The following MGAM variants were observed in gnomAD, a reference collection of about 807,000 sequenced individuals.
MGAM encodes alpha-1,4-glucosidase.
MGAM carries 253 observed loss-of-function variants against 358.8 expected under a neutral mutation model. That is an observed-to-expected ratio of 0.71 (90% CI 0.64 to 0.78). The LOEUF is 0.78. Ranked by LOEUF, MGAM falls within the 30% of genes least tolerant of loss-of-function variation. The probability of loss-of-function intolerance (pLI) is 0.00; values close to 1 mark genes in which losing one functional copy is unlikely to be tolerated. For missense variants in MGAM, 3,080 were observed against 3,432.6 expected (o/e 0.90, Z 2.57); for synonymous variants, 1,105 against 1,227.1 (o/e 0.90, Z 2.08).
chr7:142,058,318 A>G lies in MGAM; in HGVS notation c.3809A>G (p.Gln1270Arg). Residue 1270 changes from glutamine to arginine, a missense_variant, in exon 31 of 71, where the codon CAG becomes CGG. Around this residue, in one of 5 missense-constraint regions of MGAM, gnomAD observed 1,816 missense variants for 1,840.5 expected, o/e 0.99. Transcript: ENST00000475668. Reference sequence around the variant, plus strand: ...TTGTATGATGAGATGGTGGCTGCCCAGATCCCTTATGTACGTTCTCAGTCA... The same window carrying G: ...TTGTATGATGAGATGGTGGCTGCCCGGATCCCTTATGTACGTTCTCAGTCA... ...ASLYDEMVAA[Q>R]IPYDVQYSDI... is the part of the protein sequence containing the mutation. 1 of 1,613,944 alleles carries G rather than the reference A, an allele frequency of 6.2e-7. No individual in the cohort carries two copies. Among genetic ancestry groups the G allele is most frequent in the Non-Finnish European group, 8.5e-7 (1 of 1,179,828 alleles).
chr7:142,091,471 C>T (rs780679131), intron 57 of MGAM, among the ~76,000 whole-genome samples: 1 of 145,806 alleles, frequency 6.9e-6, no homozygotes, highest in Non-Finnish European at 1.6e-5. Context: ...TAATCTTATT[C>T]CTTCCTCCCC....
At chr7:142,084,479 T>G (rs908803354) in intron 53 of MGAM, 40 bp from the exon 54 acceptor site, 2 of 1,540,624 alleles carry the variant, frequency 1.3e-6, no homozygotes, top group African/African-American at 2.7e-5. Flanking sequence ...CAATCTGGTG[T>G]CTCTGTTCTG....
Position 142,103,255 on chromosome 7 carries a change from C to T in MGAM, c.8014-14C>T, listed in dbSNP as rs1174503071. 1 of 1,557,770 alleles carries T rather than the reference C, an allele frequency of 6.4e-7. No individual in the cohort carries two copies. Among genetic ancestry groups the T allele is most frequent in the Non-Finnish European group, 8.7e-7 (1 of 1,153,866 alleles). Reference sequence around the variant, plus strand: ...TTCTGCTATTATATTTTTCTTTTATCTCCAATTCAACAGAATACGATGCAA... The same window carrying T: ...TTCTGCTATTATATTTTTCTTTTATTTCCAATTCAACAGAATACGATGCAA... On this transcript the variant is annotated splice_polypyrimidine_tract_variant and intron_variant, in intron 69 of 70. Transcript: ENST00000475668.
intron 40 of MGAM, 29 bp from the exon 41 acceptor site, chr7:142,066,544 C>G: frequency 6.4e-7 from 1 of 1,550,608 alleles, no homozygotes; most frequent in Non-Finnish European, 8.8e-7. Context: ...CCAGGGCGAG[C>G]TCCCAACACT....
In MGAM at chr7:142,045,554, A is replaced by G. The variant is rs1402416785; in HGVS notation, c.2499-2231A>G. 1.2e-4 allele frequency among the ~76,000 whole-genome samples: 4 copies of G among 33,442 alleles called. 1 individual carries two copies. Among genetic ancestry groups the G allele is most frequent in the African/African-American group, 1.9e-4 (2 of 10,350 alleles). 21.9% of individuals were successfully genotyped at this position (33,442 alleles called of 152,430 possible). ...ATAATATATATTATATATACATACA[A>G]TATATGAATATATAATATATATTAT... On this transcript the variant is annotated intron_variant, in intron 21 of 70. Coordinates refer to ENST00000475668, the MANE Select transcript of MGAM (RefSeq NM_001365693.1).
At position 142,085,818 on chromosome 7, in the gene MGAM, C is replaced by T; in HGVS notation, c.6508-15C>T. ...GTACAGCAGCAGCCTCTCAGCTCCC[C>T]ATGTCCTCCCGCAGGACGTGCAGTA... On this transcript the variant is annotated splice_polypyrimidine_tract_variant and intron_variant, in intron 54 of 70. Transcript: ENST00000475668. 6.4e-7 allele frequency: 1 copy of T among 1,562,118 alleles called. No individual in the cohort carries two copies. The highest frequency in any genetic ancestry group is 8.8e-7 in the Non-Finnish European group (1 of 1,138,968).
rs1813598041 is a variant in MGAM, at chr7:142,074,616, T to A, written c.5275+443T>A. On this transcript the variant is annotated intron_variant, in intron 45 of 70. Coordinates refer to ENST00000475668, the MANE Select transcript of MGAM (RefSeq NM_001365693.1). ...TTTTAGCATATTTGTGGGTCCAGTA[T>A]ACTAACAATTCTTGTTCTTCAAGTT... Among the ~76,000 whole-genome samples the A allele has an allele frequency of 1.4e-5, 2 of 146,180 alleles. 1 individual carries two copies.
chr7:142,064,372 C>T lies in MGAM; in HGVS notation c.4346-12C>T. The T allele has an allele frequency of 6.2e-7, 1 of 1,603,742 alleles. No individual in the cohort carries two copies. Among genetic ancestry groups the T allele is most frequent in the Non-Finnish European group, 8.5e-7 (1 of 1,175,166 alleles). On this transcript the variant is annotated splice_polypyrimidine_tract_variant and intron_variant, in intron 36 of 70. Coordinates refer to ENST00000475668, the MANE Select transcript of MGAM (RefSeq NM_001365693.1). The stretch of plus-strand genomic sequence containing the variant: ...AGGGCTGGGTTTCACCTCGCCAGTT[C>T]TTCCTCCTCAGATTTGGAGTCCAGG...
At chr7:141,989,206 G>C (rs560326166) in intron 2 of MGAM, among the ~76,000 whole-genome samples, 1 of 152,084 alleles carries the variant, frequency 6.6e-6, no homozygotes, top group Non-Finnish European at 1.5e-5. Context: ...AATCAGTTCA[G>C]TGTGGGATGT....
intron 17 of MGAM, 126 bp downstream of exon 17, chr7:142,036,411 C>T (rs1331231330): frequency 4.1e-6 from 3 of 724,524 alleles, no homozygotes; most frequent in Non-Finnish European, 7.0e-6. Context: ...CTAATTTGCA[C>T]TATCATGTGC....
At chr7:142,037,039 T>C in intron 18 of MGAM, 62 bp downstream of exon 18, 1 of 1,510,044 alleles carries the variant, frequency 6.6e-7, no homozygotes. Flanking sequence ...GACTATATCA[T>C]CAAATATCAG....
At chr7:142,064,314 T>C (rs1812512025) in intron 36 of MGAM, 70 bp from the exon 37 acceptor site, 1 of 1,554,670 alleles carries the variant, frequency 6.4e-7, no homozygotes, top group East Asian at 2.4e-5. Flanking sequence ...CAGGGCCCAG[T>C]CCCTTGAAGA....
chr7:142,062,107 C>T (rs1812262141), intron 34 of MGAM, among the ~76,000 whole-genome samples: 1 of 152,136 alleles, frequency 6.6e-6, no homozygotes, highest in Non-Finnish European at 1.5e-5. Context: ...TGTCTAATAT[C>T]CAGAAATGTA....
intron 3 of MGAM, among the ~76,000 whole-genome samples, chr7:142,011,553 G>T (rs993949002): frequency 6.6e-6 from 1 of 152,136 alleles, no homozygotes; most frequent in African/African-American, 2.4e-5. Flanking sequence ...GGGGAGCCAG[G>T]TTATTGAGTT....
chr7:142,043,093 T>C (rs373867319), intron 21 of MGAM, among the ~76,000 whole-genome samples: 2 of 66,532 alleles, frequency 3.0e-5, no homozygotes, highest in Non-Finnish European at 4.8e-5. Flanking sequence ...AATATATATA[T>C]TATATATACA....
In MGAM at chr7:142,085,908, C is replaced by A; in HGVS notation, c.6583C>A (p.Pro2195Thr). The change falls in exon 55 of 71, where the codon CCA becomes ACA. Residue 2195 changes from proline (P) to threonine (T), a missense_variant. Around this residue, in one of 5 missense-constraint regions of MGAM, gnomAD observed 932 missense variants for 1,198.2 expected, o/e 0.78. Transcript: ENST00000475668. ...CCTCAGCCCCAAGTTTGCCGGGTTT[C>A]CAGCTCTGATCAATCGCATGAAGGC... The part of the protein sequence containing the change: ...FTLSPKFAGF[P>T]ALINRMKADG... 1 of 1,566,300 alleles carries A rather than the reference C, an allele frequency of 6.4e-7. No homozygotes were observed. Among genetic ancestry groups the A allele is most frequent in the East Asian group, 2.3e-5 (1 of 43,958 alleles).
rs775690591 is a variant in MGAM at position 142,099,688 on chromosome 7, G to A, written c.7825G>A (p.Gly2609Arg). 2.0e-5 allele frequency: 33 copies of A among 1,613,974 alleles called. No individual in the cohort carries two copies. In the South Asian group the frequency reaches 2.4e-4, roughly 12 times the overall value. Residue 2609 changes from glycine (G) to arginine (R), a missense_variant, in exon 67 of 71, where the codon GGG becomes AGG. Transcript: ENST00000475668. ...TGACCACATTAATCTTCATGTCCGT[G>A]GGGGCTACATCCTGCCCTGGCAAGA... ...PLDHINLHVR[G>R]GYILPWQEPA... is the part of the protein sequence containing the mutation.
Position 142,067,332 on chromosome 7 carries a change from C to G in MGAM, c.4920-9C>G. 1 of 1,505,660 alleles carries G rather than the reference C, an allele frequency of 6.6e-7. No individual in the cohort carries two copies. Among genetic ancestry groups the G allele is most frequent in the Admixed American group, 1.7e-5 (1 of 57,868 alleles). 93.3% of individuals were successfully genotyped at this position (1,505,660 alleles called of 1,614,324 possible). A position where few individuals can be genotyped will look rare whatever the true frequency, so the allele number is the denominator to read the frequency against. The stretch of plus-strand genomic sequence containing the variant: ...GGGCTCTGTTGGGCACCTTCATTTC[C>G]CTTTCCAGGTTTGTGTCAGACCAGG... On this transcript the variant is annotated splice_polypyrimidine_tract_variant and intron_variant, in intron 41 of 70. Coordinates refer to ENST00000475668, the MANE Select transcript of MGAM (RefSeq NM_001365693.1).
At position 142,091,923 on chromosome 7, in the gene MGAM, C is replaced by T; in HGVS notation, c.6821C>T (p.Ala2274Val). The T allele has an allele frequency of 6.7e-7, 1 of 1,496,086 alleles. No individual in the cohort carries two copies. Among genetic ancestry groups the T allele is most frequent in the Non-Finnish European group, 9.1e-7 (1 of 1,094,136 alleles). 92.7% of individuals were successfully genotyped at this position (1,496,086 alleles called of 1,614,324 possible). A position where few individuals can be genotyped will look rare whatever the true frequency, so the allele number is the denominator to read the frequency against. Reference protein sequence around the residue: ...DWDSQVELYRAYVAFPDFFRN... With the variant: ...DWDSQVELYRVYVAFPDFFRN... ...ATTTCTTTTTTATAGCTATATCGAG[C>T]TTATGTGGCCTTCCCAGACTTTTTC... The change falls in exon 58 of 71, where the codon GCT (alanine) becomes GTT (valine). Residue 2274 changes from alanine (A) to valine (V), a missense_variant. This residue lies in a region of MGAM where 932 missense variants were observed against 1,198.2 expected (regional missense o/e 0.78). Transcript: ENST00000475668.
Sources: allele counts gnomAD v4.1 joint callset (sites outside exome capture counted in the v4.1 genomes callset), GRCh38; gene constraint gnomAD v4.1.1; regional missense constraint gnomAD v4.1.1; transcripts MANE v1.5; gene names NCBI Gene and HGNC (gene_info 2026-07-23, HGNC 2026-07-21).